Variants in CEP128 observed in about 807,000 individuals in gnomAD.
The protein encoded by CEP128 is centrosomal protein 128kDa.
A neutral mutation model predicts 156.7 loss-of-function variants in CEP128; 132 were observed. The observed-to-expected ratio is 0.84, with a 90% CI of 0.73 to 0.97. The LOEUF is 0.97. CEP128 is among the 50% of genes least tolerant of loss of function. The pLI is 0.00. For synonymous variants in CEP128, 469 were observed against 448.9 expected (o/e 1.04, Z -0.57); for missense variants, 1,252 against 1,281.9 (o/e 0.98, Z 0.36).
At chr14:80,575,454 T>C (rs1891316157) in intron 20 of CEP128, among the ~76,000 whole-genome samples, 1 of 152,168 alleles carries the variant, frequency 6.6e-6, no homozygotes, top group Non-Finnish European at 1.5e-5. Flanking sequence ...TACTACTTTC[T>C]TCAGCATAAT....
At chr14:80,753,718 G>C (rs1899501566) in intron 18 of CEP128, among the ~76,000 whole-genome samples, 1 of 152,174 alleles carries the variant, frequency 6.6e-6, no homozygotes, top group Admixed American at 6.5e-5. Context: ...AGAAGTTTCT[G>C]ACTATCAGTC....
intron 11 of CEP128, among the ~76,000 whole-genome samples, chr14:80,837,070 T>C (rs193244471): frequency 1.6e-4 from 25 of 152,362 alleles, no homozygotes; most frequent in Admixed American, 1.4e-3. Context: ...ATTAATTCCA[T>C]GTGACCACTG....
intron 23 of CEP128, among the ~76,000 whole-genome samples, chr14:80,519,740 G>A (rs997161578): frequency 6.6e-6 from 1 of 152,066 alleles, no homozygotes; most frequent in Non-Finnish European, 1.5e-5. Flanking sequence ...CTCCAAGAGG[G>A]TGAGGCTATG....
intron 19 of CEP128, among the ~76,000 whole-genome samples, chr14:80,672,876 A>T (rs1895900270): frequency 1.3e-5 from 2 of 152,186 alleles, no homozygotes; most frequent in Non-Finnish European, 2.9e-5. Flanking sequence ...TCATCCCATT[A>T]AAATTTGTGA....
At chr14:80,733,869 A>C (rs1036255747) in intron 19 of CEP128, among the ~76,000 whole-genome samples, 1 of 152,232 alleles carries the variant, frequency 6.6e-6, no homozygotes, top group South Asian at 2.1e-4. Flanking sequence ...TGAAGTTTAG[A>C]ACCCACTAAA....
At chr14:80,667,764 A>G (rs1895680062) in intron 19 of CEP128, among the ~76,000 whole-genome samples, 1 of 150,658 alleles carries the variant, frequency 6.6e-6, no homozygotes, top group South Asian at 2.1e-4. Flanking sequence ...AGGCTGAGGC[A>G]GGAGAATGGC....
intron 19 of CEP128, among the ~76,000 whole-genome samples, chr14:80,725,232 T>C (rs1566878819): frequency 6.6e-6 from 1 of 151,054 alleles, no homozygotes; most frequent in African/African-American, 2.4e-5. Context: ...ACCCAGGCTG[T>C]AGTGCAGTGG....
At chr14:80,603,228 A>G (rs1305254355) in intron 19 of CEP128, among the ~76,000 whole-genome samples, 1 of 152,180 alleles carries the variant, frequency 6.6e-6, no homozygotes, top group South Asian at 2.1e-4. Flanking sequence ...CAAATGATGA[A>G]TAGATAAACA....
intron 2 of CEP128, among the ~76,000 whole-genome samples, chr14:80,931,286 T>C (rs1035293751): frequency 4.7e-5 from 7 of 149,042 alleles, no homozygotes; most frequent in Non-Finnish European, 8.9e-5. Context: ...CTGGTTTCAC[T>C]ACTCAAGTCA....
chr14:80,653,721 C>T (rs1471302754), intron 19 of CEP128, among the ~76,000 whole-genome samples: 1 of 152,048 alleles, frequency 6.6e-6, no homozygotes, highest in Non-Finnish European at 1.5e-5. Context: ...TCTCCTCCGT[C>T]CATGTCTATA....
At chr14:80,872,550 G>A (rs1194919449) in intron 8 of CEP128, among the ~76,000 whole-genome samples, 3 of 152,154 alleles carry the variant, frequency 2.0e-5, no homozygotes, top group African/African-American at 4.8e-5. Context: ...GTGATTAAGA[G>A]GGCTTACCAG....
chr14:80,805,729 A>C (rs533513576), intron 13 of CEP128, among the ~76,000 whole-genome samples: 6 of 152,312 alleles, frequency 3.9e-5, no homozygotes, highest in Admixed American at 1.3e-4. Context: ...AGCACAAGTA[A>C]TCAATTTTCC....
intron 18 of CEP128, among the ~76,000 whole-genome samples, chr14:80,746,998 C>T (rs1288899573): frequency 1.3e-5 from 2 of 152,122 alleles, no homozygotes; most frequent in African/African-American, 2.4e-5. Context: ...CATCATTAGC[C>T]ATCAGGAAAA....
Position 80,540,200 on chromosome 14 carries a change from C to G in CEP128, c.2881-9314G>C, listed in dbSNP as rs1022920281. Reference sequence around the variant, plus strand: ...TGTACCTACTCCCTGTTCTTACACCCCCCCCCCTTTTGAAACCCTTAATAA... The same window carrying G: ...TGTACCTACTCCCTGTTCTTACACCGCCCCCCCTTTTGAAACCCTTAATAA... On this transcript the variant is annotated intron_variant, in intron 21 of 24. Coordinates refer to ENST00000555265, the MANE Select transcript of CEP128 (RefSeq NM_152446.5). Among the ~76,000 whole-genome samples, 8 of 148,682 alleles carry G rather than the reference C, an allele frequency of 5.4e-5. 1 individual carries two copies. In the East Asian group the frequency reaches 1.6e-3, roughly 31 times the overall value.
At chr14:80,759,444 T>C (rs1443575357) in intron 17 of CEP128, among the ~76,000 whole-genome samples, 2 of 152,320 alleles carry the variant, frequency 1.3e-5, no homozygotes, top group South Asian at 4.1e-4. Flanking sequence ...CTCAGAACTA[T>C]AAACTACAAA....
chr14:80,900,815 A>T (rs190418463), intron 6 of CEP128, among the ~76,000 whole-genome samples: 45 of 147,050 alleles, frequency 3.1e-4, no homozygotes, highest in Middle Eastern at 3.9e-3. Flanking sequence ...AGTAAAAATT[A>T]AAAAAGTAAA....
intron 8 of CEP128, among the ~76,000 whole-genome samples, chr14:80,882,956 TAC>T (rs1355959520): frequency 1.3e-5 from 2 of 152,068 alleles, no homozygotes; most frequent in African/African-American, 4.8e-5. Context: ...TATAAAAAAA[TAC>T]AGTGAATAAG....
At chr14:80,672,580 G>T (rs1895887980) in intron 19 of CEP128, among the ~76,000 whole-genome samples, 1 of 152,070 alleles carries the variant, frequency 6.6e-6, no homozygotes, top group Non-Finnish European at 1.5e-5. Flanking sequence ...TTAAAGTTTT[G>T]ATGTTTTTAA....
At chr14:80,868,168 G>A (rs1051500390) in intron 8 of CEP128, among the ~76,000 whole-genome samples, 7 of 151,954 alleles carry the variant, frequency 4.6e-5, no homozygotes, top group African/African-American at 1.7e-4. Flanking sequence ...ATGAAAGAAT[G>A]CTAATAACAT....
Sources: allele counts gnomAD v4.1 joint callset (sites outside exome capture counted in the v4.1 genomes callset), GRCh38; gene constraint gnomAD v4.1.1; transcripts MANE v1.5; gene names NCBI Gene and HGNC (gene_info 2026-07-23, HGNC 2026-07-21).